Variants in DCAF8L2 observed in about 807,000 individuals in gnomAD.
DCAF8L2 encodes the protein DDB1 and CUL4 associated factor 8 like 2.
For synonymous variants in DCAF8L2, 200 were observed against 190.9 expected (o/e 1.05, Z -0.39); for missense variants, 430 against 490.7 (o/e 0.88, Z 1.17).
At chrX:27,511,601 G>A in the DCAF8L2 span, among the ~76,000 whole-genome samples, 1 of 111,914 alleles carries the variant, frequency 8.9e-6, no homozygotes, top group Non-Finnish European at 1.9e-5. Context: ...TGTGTTCCAG[G>A]GCCTTCTATT....
chrX:27,606,818 A>C (rs1178844591), intron 1 of DCAF8L2, among the ~76,000 whole-genome samples: 2 of 111,148 alleles, frequency 1.8e-5, no homozygotes, highest in East Asian at 5.6e-4. Context: ...GTGATAGAGA[A>C]ATTAAATTTA....
At chrX:27,493,684 C>T in the DCAF8L2 span, among the ~76,000 whole-genome samples, 18 of 94,289 alleles carry the variant, frequency 1.9e-4, no homozygotes, top group Non-Finnish European at 2.0e-5. Context: ...GCACTCCAGA[C>T]TGGGAGACTG....
chrX:27,474,303 T>C, the DCAF8L2 span, among the ~76,000 whole-genome samples: 2 of 112,411 alleles, frequency 1.8e-5, no homozygotes, highest in African/African-American at 3.2e-5. Flanking sequence ...ACAGATATAG[T>C]GGCATATAGT....
chrX:27,723,754 A>G (rs1931980146), intron 4 of DCAF8L2, among the ~76,000 whole-genome samples: 1 of 111,522 alleles, frequency 9.0e-6, no homozygotes, highest in South Asian at 3.6e-4. Flanking sequence ...TCTAAATGAT[A>G]TATGAACAGG....
At chrX:27,743,889 T>C (rs1162258261) in intron 4 of DCAF8L2, among the ~76,000 whole-genome samples, 1 of 107,557 alleles carries the variant, frequency 9.3e-6, no homozygotes, top group Non-Finnish European at 1.9e-5. Flanking sequence ...TGTGCCACCA[T>C]ATCCGGCTAA....
chrX:27,470,588 G>T, the DCAF8L2 span, among the ~76,000 whole-genome samples: 1 of 111,875 alleles, frequency 8.9e-6, no homozygotes, highest in Non-Finnish European at 1.9e-5. Flanking sequence ...AGACATGTGG[G>T]TTTTCTGGGA....
Position 27,746,904 on chromosome X carries a change from C to G in DCAF8L2, c.9C>G (p.His3Gln), listed in dbSNP as rs767550922. 5 of 1,195,744 alleles carry G rather than the reference C, an allele frequency of 4.2e-6. No homozygotes were observed. Among genetic ancestry groups the G allele is most frequent in the Non-Finnish European group, 5.6e-6 (5 of 888,058 alleles). ...AGCAAACATCGTTCAAGATGTCCCACCAAGAAGGCAGCACAGACGGCTTAC... is the reference window on the plus strand; with the variant it reads ...AGCAAACATCGTTCAAGATGTCCCAGCAAGAAGGCAGCACAGACGGCTTAC... Reference protein sequence around the residue: MSHQEGSTDGLPD... With the variant: MSQQEGSTDGLPD... The change falls in exon 5 of 5, where the codon CAC (histidine) becomes CAG (glutamine). Residue 3 changes from histidine (H) to glutamine (Q), a missense_variant. His to Gln is a conservative substitution (Grantham distance 24, BLOSUM62 0). Transcript: ENST00000451261.
intron 4 of DCAF8L2, among the ~76,000 whole-genome samples, chrX:27,730,133 G>A (rs913141286): frequency 8.9e-6 from 1 of 112,148 alleles, no homozygotes; most frequent in Non-Finnish European, 1.9e-5. Context: ...CATGACACCT[G>A]CAGATATTTA....
chrX:27,489,069 A>G, the DCAF8L2 span, among the ~76,000 whole-genome samples: 1 of 110,740 alleles, frequency 9.0e-6, no homozygotes, highest in African/African-American at 3.3e-5. Flanking sequence ...TTATATTGTC[A>G]ATTTCTGCAA....
At chrX:27,497,303 A>C in the DCAF8L2 span, among the ~76,000 whole-genome samples, 1 of 111,680 alleles carries the variant, frequency 9.0e-6, no homozygotes, top group Non-Finnish European at 1.9e-5. Context: ...CTTTTTAATG[A>C]TGAAAAACAC....
At chrX:27,606,079 CTT>C (rs771706520) in intron 1 of DCAF8L2, among the ~76,000 whole-genome samples, 1 of 94,917 alleles carries the variant, frequency 1.1e-5, no homozygotes, top group Admixed American at 1.2e-4. Context: ...AGACAGTGCA[CTT>C]TTTTTTTTTT....
At chrX:27,632,344 T>C (rs993114888) in intron 2 of DCAF8L2, 2 of 111,288 alleles carry the variant, frequency 1.8e-5, no homozygotes. Flanking sequence ...CTCCCCAGTA[T>C]GGTCCATTTA....
intron 3 of DCAF8L2, 79 bp from the exon 4 acceptor site, chrX:27,716,009 C>T (rs1012578504): frequency 8.9e-6 from 1 of 112,272 alleles, no homozygotes; most frequent in Non-Finnish European, 1.9e-5. Context: ...AACTAAAATC[C>T]AATGACTTGG....
the DCAF8L2 span, among the ~76,000 whole-genome samples, chrX:27,488,149 C>T: frequency 9.0e-6 from 1 of 111,670 alleles, no homozygotes; most frequent in Non-Finnish European, 1.9e-5. Context: ...ATATCATCAA[C>T]AATACTGGCT....
intron 3 of DCAF8L2, among the ~76,000 whole-genome samples, chrX:27,710,835 T>G (rs1293812225): frequency 8.9e-6 from 1 of 112,331 alleles, no homozygotes; most frequent in African/African-American, 3.2e-5. Flanking sequence ...AAGAAAAGAT[T>G]TACTCTTTCA....
intron 3 of DCAF8L2, among the ~76,000 whole-genome samples, chrX:27,691,849 G>C (rs5971435): frequency 0.19 from 21,355 of 110,394 alleles, 2,540 homozygotes; most frequent in African/African-American, 0.44. Flanking sequence ...TAGTGAGAAA[G>C]AGTGAATGGA....
At chrX:27,519,686 C>G in the DCAF8L2 span, 1 of 589,281 alleles carries the variant, frequency 1.7e-6, no homozygotes, top group Middle Eastern at 3.3e-4. Context: ...GAACGTGTAA[C>G]AGAAACACAG....
At chrX:27,568,907 T>C in the DCAF8L2 span, among the ~76,000 whole-genome samples, 1 of 103,778 alleles carries the variant, frequency 9.6e-6, no homozygotes, top group African/African-American at 3.6e-5. Context: ...CACCTAATTC[T>C]TTCTTCTTTA....
At chrX:27,525,243 G>C in the DCAF8L2 span, among the ~76,000 whole-genome samples, 1 of 111,992 alleles carries the variant, frequency 8.9e-6, no homozygotes, top group African/African-American at 3.3e-5. Context: ...ATTTAGGATA[G>C]TTAGCTCTTC....
Sources: allele counts gnomAD v4.1 joint callset (sites outside exome capture counted in the v4.1 genomes callset), GRCh38; gene constraint gnomAD v4.1.1; transcripts MANE v1.5; gene names NCBI Gene and HGNC (gene_info 2026-07-23, HGNC 2026-07-21).